Variants in NAALADL2 observed in about 807,000 individuals in gnomAD.
The protein encoded by NAALADL2 is N-acetylated alpha-linked acidic dipeptidase like 2, also known as inactive N-acetylated-alpha-linked acidic dipeptidase-like protein 2.
Under a neutral mutation model 87.2 loss-of-function variants are expected in NAALADL2, and 76 were observed. The ratio of observed to expected loss-of-function variants is 0.87; its 90% CI spans 0.72 to 1.05. The LOEUF is 1.05. NAALADL2 is among the 50% of genes least tolerant of loss of function. The pLI is 0.00. For synonymous variants in NAALADL2, 354 were observed against 331.0 expected, an observed-to-expected ratio of 1.07 and a Z score of -0.75; for missense variants, 1,089 against 945.8, an observed-to-expected ratio of 1.15 and a Z score of -1.99.
At chr3:174,514,892 A>G (rs1719824230) in intron 1 of NAALADL2, among the ~76,000 whole-genome samples, 2 of 152,106 alleles carry the variant, frequency 1.3e-5, no homozygotes, top group Non-Finnish European at 2.9e-5. Flanking sequence ...TACACTGGGT[A>G]CCCGAGGCTG....
intron 11 of NAALADL2, among the ~76,000 whole-genome samples, chr3:175,659,156 A>G (rs563546752): frequency 3.2e-4 from 49 of 152,218 alleles, no homozygotes; most frequent in Non-Finnish European, 6.8e-4. Context: ...TGTGAAAATC[A>G]TATGCCTAAC....
At chr3:175,010,010 G>A (rs919787072) in intron 1 of NAALADL2, among the ~76,000 whole-genome samples, 1 of 152,052 alleles carries the variant, frequency 6.6e-6, no homozygotes, top group Non-Finnish European at 1.5e-5. Flanking sequence ...ACAAGGATGA[G>A]CATGTTTAAT....
At chr3:174,991,182 A>G (rs1448250800) in intron 1 of NAALADL2, among the ~76,000 whole-genome samples, 1 of 152,156 alleles carries the variant, frequency 6.6e-6, no homozygotes, top group Non-Finnish European at 1.5e-5. Flanking sequence ...GTCTTCATTC[A>G]TTCAATAAGT....
At chr3:175,303,705 A>G (rs1279478367) in intron 4 of NAALADL2, among the ~76,000 whole-genome samples, 4 of 152,210 alleles carry the variant, frequency 2.6e-5, no homozygotes, top group African/African-American at 9.6e-5. Flanking sequence ...TAGGGAGCAT[A>G]CTACCAGAGA....
intron 2 of NAALADL2, among the ~76,000 whole-genome samples, chr3:174,680,237 TTTAAG>T (rs1418500264): frequency 6.6e-6 from 1 of 152,200 alleles, no homozygotes; most frequent in African/African-American, 2.4e-5. Flanking sequence ...ACATTTAGCC[TTTAAG>T]TTAATTTTCA....
At chr3:175,342,297 C>A (rs897561137) in intron 5 of NAALADL2, among the ~76,000 whole-genome samples, 1 of 152,022 alleles carries the variant, frequency 6.6e-6, no homozygotes, top group Non-Finnish European at 1.5e-5. Context: ...ATAAAAGGAG[C>A]AGGTACTTTG....
intron 4 of NAALADL2, among the ~76,000 whole-genome samples, chr3:175,267,592 G>A (rs1038665496): frequency 4.6e-5 from 7 of 152,034 alleles, no homozygotes; most frequent in African/African-American, 1.7e-4. Context: ...TACTAATTTA[G>A]TATGCTTCAC....
intron 2 of NAALADL2, among the ~76,000 whole-genome samples, chr3:174,590,940 C>T (rs1717296445): frequency 6.6e-6 from 1 of 152,028 alleles, no homozygotes; most frequent in South Asian, 2.1e-4. Flanking sequence ...TTCCTTTCTC[C>T]ACAGTTGCTG....
At chr3:175,669,965 T>C (rs531717531) in intron 11 of NAALADL2, among the ~76,000 whole-genome samples, 52 of 152,030 alleles carry the variant, frequency 3.4e-4, no homozygotes, top group Non-Finnish European at 5.7e-4. Flanking sequence ...CAGTGCTTGA[T>C]CATCTTTTCA....
chr3:175,698,483 T>TTTTATATA lies in NAALADL2; in HGVS notation c.1897-38822_1897-38821insTTATATAT, dbSNP rs1398396262. ...TGTGTATATATGTGTGTATATATAT[T>TTTTATATA]TATATATATATATATATATAAAATC... On this transcript the variant is annotated intron_variant, in intron 11 of 13. Transcript: ENST00000454872. Among the ~76,000 whole-genome samples, 23 of 67,740 alleles carry TTTTATATA rather than the reference T, an allele frequency of 3.4e-4. 2 individuals are homozygous for TTTTATATA. Among genetic ancestry groups the TTTTATATA allele is most frequent in the African/African-American group, 2.0e-3 (22 of 11,058 alleles). The allele number at this position is 67,740 out of a possible 152,430, so 44.4% of individuals were successfully genotyped here. A position where few individuals can be genotyped will look rare whatever the true frequency, so the allele number is the denominator to read the frequency against.
chr3:175,391,070 A>C (rs988150417), intron 5 of NAALADL2, among the ~76,000 whole-genome samples: 1 of 152,310 alleles, frequency 6.6e-6, no homozygotes, highest in South Asian at 2.1e-4. Context: ...AGTGTGTAGT[A>C]GAGTCATAAG....
At chr3:174,731,855 CT>C (rs1197963948) in intron 2 of NAALADL2, among the ~76,000 whole-genome samples, 1 of 152,128 alleles carries the variant, frequency 6.6e-6, no homozygotes, top group Non-Finnish European at 1.5e-5. Context: ...GGGACCCACA[CT>C]GGAAAACCGC....
chr3:174,987,568 C>CAAAA (rs1159602995), intron 1 of NAALADL2, among the ~76,000 whole-genome samples: 518 of 20,824 alleles, frequency 0.025, 94 homozygotes, highest in African/African-American at 0.046. Flanking sequence ...GACTCCGTCT[C>CAAAA]AAAAAAAAAA....
intron 3 of NAALADL2, among the ~76,000 whole-genome samples, chr3:174,762,175 T>G (rs913538940): frequency 1.3e-5 from 2 of 150,700 alleles, no homozygotes; most frequent in African/African-American, 4.9e-5. Flanking sequence ...TTTTTTTTCT[T>G]TTGAGACGGA....
At chr3:175,111,209 G>A (rs188699881) in intron 2 of NAALADL2, among the ~76,000 whole-genome samples, 160 of 151,752 alleles carry the variant, frequency 1.1e-3, no homozygotes, top group African/African-American at 3.7e-3. Flanking sequence ...TCCAACCTAA[G>A]TCTGGGTCTG....
At chr3:174,987,700 C>A (rs948683160) in intron 1 of NAALADL2, among the ~76,000 whole-genome samples, 15 of 146,164 alleles carry the variant, frequency 1.0e-4, no homozygotes, top group African/African-American at 3.3e-4. Flanking sequence ...GATCATAGCT[C>A]ACTGTAACCT....
intron 3 of NAALADL2, among the ~76,000 whole-genome samples, chr3:174,842,303 G>A (rs992558290): frequency 3.3e-5 from 5 of 152,018 alleles, no homozygotes; most frequent in African/African-American, 4.8e-5. Context: ...CACTCACCTC[G>A]GCCTCCCAAA....
chr3:175,012,195 G>T (rs941358743), intron 1 of NAALADL2, among the ~76,000 whole-genome samples: 2 of 152,034 alleles, frequency 1.3e-5, no homozygotes, highest in Non-Finnish European at 2.9e-5. Flanking sequence ...ATGGAGATTT[G>T]CTCCTGTTGC....
At chr3:174,905,505 G>A (rs553629110) in intron 1 of NAALADL2, among the ~76,000 whole-genome samples, 9 of 152,086 alleles carry the variant, frequency 5.9e-5, no homozygotes, top group African/African-American at 1.2e-4. Context: ...TGTATTTGTG[G>A]ATAAGTCTTT....
Sources: gnomAD v4.1 joint callset for allele counts (sites outside exome capture counted in the v4.1 genomes callset) on GRCh38, gnomAD v4.1.1 for gene constraint, MANE v1.5 for transcripts, NCBI Gene and HGNC (gene_info 2026-07-23, HGNC 2026-07-21) for gene names.